Variants in POU6F2 observed in about 807,000 individuals in gnomAD.
The protein encoded by POU6F2 is POU class 6 homeobox 2.
A neutral mutation model predicts 71.3 loss-of-function variants in POU6F2; 31 were observed. That is an observed-to-expected ratio of 0.43 (90% CI 0.33 to 0.59). The LOEUF is 0.59. Ranked by LOEUF, POU6F2 falls within the 20% of genes least tolerant of loss-of-function variation. POU6F2 has a pLI of 0.04. For synonymous variants in POU6F2, 347 were observed against 355.7 expected, an observed-to-expected ratio of 0.98 and a Z score of 0.27; for missense variants, 783 against 856.8, an observed-to-expected ratio of 0.91 and a Z score of 1.07.
At chr7:39,126,581 T>C (rs112944686) in intron 2 of POU6F2, among the ~76,000 whole-genome samples, 2,154 of 152,286 alleles carry the variant, frequency 0.014, 53 homozygotes, top group African/African-American at 0.048. Context: ...CCATACTCAG[T>C]CTATGTTTAG....
intron 1 of POU6F2, chr7:39,083,498 T>TACCC (rs1439536632): frequency 1.1e-5 from 1 of 94,150 alleles, no homozygotes; most frequent in Non-Finnish European, 2.1e-5. Flanking sequence ...TTCCCTTCCC[T>TACCC]ACCCACCCAC....
intron 1 of POU6F2, among the ~76,000 whole-genome samples, chr7:38,980,674 C>T (rs1157478134): frequency 6.6e-6 from 1 of 152,084 alleles, no homozygotes; most frequent in African/African-American, 2.4e-5. Context: ...TGTTTCTGCT[C>T]AAATACGTTT....
intron 5 of POU6F2, among the ~76,000 whole-genome samples, chr7:39,390,959 A>C (rs908954161): frequency 6.6e-6 from 1 of 152,068 alleles, no homozygotes; most frequent in Non-Finnish European, 1.5e-5. Context: ...AACCTGTTTC[A>C]TTCCCAAACC....
chr7:39,148,813 C>A (rs1424866730), intron 2 of POU6F2, among the ~76,000 whole-genome samples: 2 of 152,148 alleles, frequency 1.3e-5, no homozygotes, highest in Admixed American at 1.3e-4. Context: ...TCCAGAGATA[C>A]TGCATTATCA....
At chr7:39,152,499 C>T (rs569711200) in intron 2 of POU6F2, among the ~76,000 whole-genome samples, 159 of 152,178 alleles carry the variant, frequency 1.0e-3, no homozygotes, top group African/African-American at 3.6e-3. Context: ...GTTGGCAGAC[C>T]CCCATAAAAG....
intron 2 of POU6F2, among the ~76,000 whole-genome samples, chr7:39,088,092 C>T (rs1185225499): frequency 1.3e-5 from 2 of 152,312 alleles, no homozygotes; most frequent in East Asian, 3.9e-4. Context: ...CTACATCTTA[C>T]ATTCCTTTTG....
At chr7:39,459,556 C>T (rs569780127) in intron 8 of POU6F2, among the ~76,000 whole-genome samples, 1 of 152,184 alleles carries the variant, frequency 6.6e-6, no homozygotes, top group Admixed American at 6.5e-5. Flanking sequence ...CTGCCACAGT[C>T]CTTGGACAAG....
At chr7:39,058,941 G>T (rs934253432) in intron 1 of POU6F2, among the ~76,000 whole-genome samples, 1 of 152,116 alleles carries the variant, frequency 6.6e-6, no homozygotes, top group African/African-American at 2.4e-5. Context: ...AAACAACCTG[G>T]ATTGTATGAA....
chr7:39,464,395 C>G lies in POU6F2; in HGVS notation c.1872C>G (p.Asn624Lys), dbSNP rs747330656. 1.2e-6 allele frequency: 2 copies of G among 1,614,002 alleles called. No individual in the cohort carries two copies. Among genetic ancestry groups the G allele is most frequent in the South Asian group, 1.1e-5 (1 of 91,080 alleles). Residue 624 changes from asparagine to lysine, a missense_variant, in exon 10 of 10, where the codon AAC becomes AAG. Physicochemically the swap from Asn to Lys is moderately conservative, Grantham distance 94 (BLOSUM62 0). Coordinates refer to ENST00000518318, the MANE Select transcript of POU6F2 (RefSeq NM_001370959.1). This position sits in a 1 kb window ranked among gnomAD's most constrained non-coding sequence, Gnocchi z 4.1. ...AEARHRAGMQ[N>K]LTEFIGSEPS... ...CCCGCCATCGAGCAGGTATGCAGAA[C>G]CTGACCGAGTTTATCGGGAGTGAAC...
rs370985393 is a variant in POU6F2, at chr7:39,438,168, T to G, written c.1320+4885T>G. On this transcript the variant is annotated intron_variant, in intron 7 of 9. Coordinates refer to ENST00000518318, the MANE Select transcript of POU6F2 (RefSeq NM_001370959.1). ...TGTCCAAGTGTTCTCATTGTTCAAT[T>G]CCCACCTATGAGTAAGAACATGCGA... Among the ~76,000 whole-genome samples, 9 of 151,216 alleles carry G rather than the reference T, an allele frequency of 6.0e-5. No homozygotes were observed. In the East Asian group the frequency reaches 1.6e-3, roughly 26 times the overall value.
intron 1 of POU6F2, among the ~76,000 whole-genome samples, chr7:38,986,973 T>G (rs535911718): frequency 2.6e-5 from 4 of 152,246 alleles, no homozygotes; most frequent in African/African-American, 9.6e-5. Flanking sequence ...GGATATACAG[T>G]GATTTATTTA....
intron 2 of POU6F2, among the ~76,000 whole-genome samples, chr7:39,201,042 C>A (rs1233087565): frequency 2.6e-5 from 4 of 151,846 alleles, no homozygotes; most frequent in Non-Finnish European, 4.4e-5. Flanking sequence ...AAAAAAAATA[C>A]AAATTAAATA....
chr7:39,399,769 C>G (rs571620238), intron 5 of POU6F2, among the ~76,000 whole-genome samples: 99 of 151,772 alleles, frequency 6.5e-4, no homozygotes, highest in African/African-American at 2.3e-3. Context: ...AGGATGGCTT[C>G]AGCCCCAGAG....
chr7:39,413,682 T>A (rs924593404), intron 6 of POU6F2, among the ~76,000 whole-genome samples: 2 of 152,234 alleles, frequency 1.3e-5, no homozygotes, highest in African/African-American at 2.4e-5. Context: ...CATTTTTTTT[T>A]AATCGAATAA....
chr7:39,417,931 T>C (rs1264483072), intron 6 of POU6F2, among the ~76,000 whole-genome samples: 1 of 152,236 alleles, frequency 6.6e-6, no homozygotes, highest in Non-Finnish European at 1.5e-5. Context: ...TTAGTATTAA[T>C]AGCAATAATA....
chr7:39,375,272 G>A (rs781430938), intron 5 of POU6F2, among the ~76,000 whole-genome samples: 1 of 152,162 alleles, frequency 6.6e-6, no homozygotes, highest in Non-Finnish European at 1.5e-5. Context: ...ATTGAGAAAC[G>A]ACAGTAATGC....
rs184867782 is a variant in POU6F2 at position 39,065,664 on chromosome 7, T to C, written c.106-20196T>C. On this transcript the variant is annotated intron_variant, in intron 1 of 9. Transcript: ENST00000518318. ...GTTAAAGTGATAAAATAATATAACA[T>C]ACAATTCCATTCGGATATACTTGAA... Among the ~76,000 whole-genome samples, 117 of 151,650 alleles carry C rather than the reference T, an allele frequency of 7.7e-4. 1 individual carries two copies. Among genetic ancestry groups the C allele is most frequent in the Middle Eastern group, 8.4e-3 (2 of 238 alleles).
chr7:39,087,180 A>T (rs1791272098), intron 2 of POU6F2, among the ~76,000 whole-genome samples: 1 of 132,876 alleles, frequency 7.5e-6, no homozygotes, highest in African/African-American at 2.9e-5. Flanking sequence ...TTATTTATTT[A>T]TTTATTTATT....
chr7:39,020,063 G>C (rs1459153152), intron 1 of POU6F2, among the ~76,000 whole-genome samples: 2 of 152,124 alleles, frequency 1.3e-5, no homozygotes, highest in African/African-American at 4.8e-5. Flanking sequence ...ATTCTAGGAA[G>C]TGTGGAACCA....
Sources: gnomAD v4.1 joint callset for allele counts (sites outside exome capture counted in the v4.1 genomes callset) on GRCh38, gnomAD v4.1.1 for gene constraint, Gnocchi (gnomAD v3.1) non-coding constraint, MANE v1.5 for transcripts, NCBI Gene and HGNC (gene_info 2026-07-23, HGNC 2026-07-21) for gene names.